RAB7B: variants seen among roughly 807,000 people sequenced by gnomAD.
RAB7B encodes the protein ras-related protein Rab-7b.
At chr1:205,988,404 T>A (rs1038254727) in intron 4 of RAB7B, among the ~76,000 whole-genome samples, 34 of 151,910 alleles carry the variant, frequency 2.2e-4, no homozygotes, top group South Asian at 1.2e-3. Context: ...TTAAAAAAAA[T>A]TTTTTTCTTT....
rs1261230795 is a variant in RAB7B, at chr1:205,989,401, C to T, written c.396+3079G>A. Among the ~76,000 whole-genome samples, 8 of 152,188 alleles carry T rather than the reference C, an allele frequency of 5.3e-5. No individual in the cohort carries two copies. The East Asian group carries it at 9.7e-4, about 18-fold the overall frequency. On this transcript the variant is annotated intron_variant, in intron 4 of 5. Transcript: ENST00000617070. ...TTGGATTGGACCCCCTCTACTCCCG[C>T]GAGTCACCACCCGCCCTCCTCACCT...
chr1:205,996,888 C>T (rs1660819079), intron 1 of RAB7B, among the ~76,000 whole-genome samples: 1 of 152,170 alleles, frequency 6.6e-6, no homozygotes, highest in African/African-American at 2.4e-5. Context: ...TCTGAGAACT[C>T]ACTCACTATT....
intron 4 of RAB7B, among the ~76,000 whole-genome samples, chr1:205,988,420 A>G (rs1484564578): frequency 3.9e-5 from 6 of 151,916 alleles, no homozygotes; most frequent in Non-Finnish European, 8.8e-5. Context: ...TCTTTTGTAG[A>G]GATGGGGTCT....
intron 1 of RAB7B, among the ~76,000 whole-genome samples, chr1:206,002,675 T>C (rs1208146143): frequency 1.3e-5 from 2 of 152,204 alleles, no homozygotes; most frequent in Admixed American, 1.3e-4. Context: ...TGAAGCCCAA[T>C]GGATACCTGG....
At chr1:205,988,232 T>G in intron 4 of RAB7B, among the ~76,000 whole-genome samples, 1 of 26,668 alleles carries the variant, frequency 3.7e-5, no homozygotes, top group African/African-American at 4.9e-5. Flanking sequence ...GTGTGTGGGT[T>G]TTTTTTTTTT....
Position 205,978,686 on chromosome 1 carries a change from G to A in RAB7B, c.*165C>T. On this transcript the variant is annotated 3_prime_UTR_variant, in exon 6 of 6. Coordinates refer to ENST00000617070, the MANE Select transcript of RAB7B (RefSeq NM_001164522.3). ...GAGCCAGGGGCTGCCCTCTGACTCT[G>A]GGCCCAGCACCAGGGTCAAGGGCTC... 1 of 392,358 alleles carries A rather than the reference G, an allele frequency of 2.5e-6. No individual in the cohort carries two copies. Among genetic ancestry groups the A allele is most frequent in the Non-Finnish European group, 4.5e-6 (1 of 222,558 alleles). 24.3% of individuals were successfully genotyped at this position (392,358 alleles called of 1,614,324 possible). A position where few individuals can be genotyped will look rare whatever the true frequency, so the allele number is the denominator to read the frequency against.
intron 5 of RAB7B, chr1:205,984,177 T>C (rs1419347351): frequency 6.6e-6 from 1 of 152,304 alleles, no homozygotes; most frequent in Non-Finnish European, 1.5e-5. Flanking sequence ...GACACCTCTC[T>C]GCTTTTCCTT....
At chr1:205,983,112 G>A (rs1277970063) in intron 5 of RAB7B, among the ~76,000 whole-genome samples, 1 of 152,172 alleles carries the variant, frequency 6.6e-6, no homozygotes, top group Non-Finnish European at 1.5e-5. Flanking sequence ...CCTAGTCGGG[G>A]TTCACGAGGC....
intron 4 of RAB7B, among the ~76,000 whole-genome samples, chr1:205,991,504 G>A (rs1402771964): frequency 6.6e-6 from 1 of 152,126 alleles, no homozygotes; most frequent in Non-Finnish European, 1.5e-5. Flanking sequence ...AGCTGTACAA[G>A]CTCCTCAAAC....
At chr1:205,983,739 G>A (rs937407459) in intron 5 of RAB7B, 11 of 151,930 alleles carry the variant, frequency 7.2e-5, no homozygotes, top group Non-Finnish European at 1.2e-4. Flanking sequence ...ATGGGGGACC[G>A]ACATGGATTG....
intron 5 of RAB7B, among the ~76,000 whole-genome samples, chr1:205,981,169 G>T (rs1660484512): frequency 6.6e-6 from 1 of 152,104 alleles, no homozygotes; most frequent in African/African-American, 2.4e-5. Context: ...CCAAAATGCT[G>T]GGATTACAGG....
At chr1:205,983,971 C>A (rs1331597307) in intron 5 of RAB7B, 1 of 152,202 alleles carries the variant, frequency 6.6e-6, no homozygotes, top group African/African-American at 2.4e-5. Context: ...GGCTGATGGA[C>A]ACTTCCTGGT....
intron 4 of RAB7B, among the ~76,000 whole-genome samples, chr1:205,989,914 A>G (rs1660687339): frequency 6.6e-6 from 1 of 152,012 alleles, no homozygotes; most frequent in Non-Finnish European, 1.5e-5. Context: ...CACTTCTCCC[A>G]AGAGTAACTG....
rs1004390309 is a variant in RAB7B, at chr1:206,001,169, G to A, written c.-17+2084C>T. On this transcript the variant is annotated intron_variant, in intron 1 of 5. Transcript: ENST00000617070. The stretch of plus-strand genomic sequence containing the variant: ...GACCAGGTCCGTGGGAAGTGGGGGC[G>A]GTTTGTGGGGTGACGCAGCCTGGCT... Among the ~76,000 whole-genome samples, 224 of 152,234 alleles carry A rather than the reference G, an allele frequency of 1.5e-3. 1 individual carries two copies. The highest frequency in any genetic ancestry group is 5.0e-3 in the African/African-American group (207 of 41,544).
At chr1:205,994,738 G>A (rs1660781529) in intron 1 of RAB7B, among the ~76,000 whole-genome samples, 1 of 152,158 alleles carries the variant, frequency 6.6e-6, no homozygotes, top group Admixed American at 6.5e-5. Context: ...CCACTTCTAG[G>A]AATTTGTCCT....
intron 2 of RAB7B, among the ~76,000 whole-genome samples, chr1:205,993,798 G>T (rs1470951217): frequency 6.6e-6 from 1 of 152,306 alleles, no homozygotes; most frequent in African/African-American, 2.4e-5. Flanking sequence ...TGGTGGTCAG[G>T]TTTTTTCTGT....
chr1:205,995,144 A>T (rs2102642011), intron 1 of RAB7B, among the ~76,000 whole-genome samples: 1 of 152,292 alleles, frequency 6.6e-6, no homozygotes, highest in African/African-American at 2.4e-5. Flanking sequence ...GCATTAGGAG[A>T]TATACCTAAT....
At chr1:206,001,865 C>T (rs1447479612) in intron 1 of RAB7B, among the ~76,000 whole-genome samples, 3 of 152,286 alleles carry the variant, frequency 2.0e-5, no homozygotes, top group South Asian at 2.1e-4. Flanking sequence ...GAACCCCCTT[C>T]CCTCTCATTT....
intron 5 of RAB7B, among the ~76,000 whole-genome samples, chr1:205,980,443 G>T (rs1249090615): frequency 6.6e-6 from 1 of 152,204 alleles, no homozygotes; most frequent in African/African-American, 2.4e-5. Flanking sequence ...CCATAATTAG[G>T]TTTCTATGTC....
Sources: gnomAD v4.1 joint callset for allele counts (sites outside exome capture counted in the v4.1 genomes callset) on GRCh38, gnomAD v4.1.1 for gene constraint, MANE v1.5 for transcripts, NCBI Gene and HGNC (gene_info 2026-07-23, HGNC 2026-07-21) for gene names.